LIPM: variants seen among roughly 807,000 people sequenced by gnomAD.
LIPM encodes the protein lipase family member M.
LIPM carries 42 observed loss-of-function variants against 42.4 expected under a neutral mutation model. That is an observed-to-expected ratio of 0.99 (90% confidence interval 0.77 to 1.28). LIPM has a LOEUF of 1.28. Ranked by LOEUF, LIPM falls within the 50% of genes most tolerant of loss-of-function variation. LIPM has a pLI of 0.00. For synonymous variants in LIPM, 177 were observed against 173.3 expected (o/e 1.02, Z -0.17); for missense variants, 524 against 520.1 (o/e 1.01, Z -0.07).
chr10:88,814,059 C>A (rs924119220), intron 3 of LIPM, among the ~76,000 whole-genome samples: 3 of 152,154 alleles, frequency 2.0e-5, no homozygotes, highest in Non-Finnish European at 4.4e-5. Context: ...CACCTAGGGA[C>A]CATCGATTTG....
At chr10:88,816,698 G>A in intron 6 of LIPM, 118 bp from the exon 7 acceptor site, 1 of 655,166 alleles carries the variant, frequency 1.5e-6, no homozygotes, top group Non-Finnish European at 2.8e-6. Context: ...ATAGATAATT[G>A]CTGATAACTT....
chr10:88,805,142 C>G (rs1212895873), intron 1 of LIPM, among the ~76,000 whole-genome samples: 2 of 152,118 alleles, frequency 1.3e-5, no homozygotes, highest in African/African-American at 4.8e-5. Flanking sequence ...GTGTTATGTA[C>G]TAAGGTTAGA....
chr10:88,814,607 A>G lies in LIPM; in HGVS notation c.542A>G (p.Tyr181Cys), dbSNP rs371475612. The G allele has an allele frequency of 4.8e-5, 74 of 1,551,858 alleles. No individual in the cohort carries two copies. The African/African-American group carries it at 9.3e-4, about 20-fold the overall frequency. The change falls in exon 4 of 9, where the codon TAT (tyrosine) becomes TGT (cysteine). Residue 181 changes from tyrosine (Y) to cysteine (C), a missense_variant. Tyr to Cys is a radical substitution (Grantham distance 194). Transcript: ENST00000404743. ...ILQKTGQEKI[Y>C]YVGYSQGTTM... ...CAGAAAACGGGCCAGGAAAAGATCTATTATGTCGGCTATTCACAGGGCACC... is the reference window on the plus strand; with the variant it reads ...CAGAAAACGGGCCAGGAAAAGATCTGTTATGTCGGCTATTCACAGGGCACC...
intron 3 of LIPM, 111 bp from the exon 4 acceptor site, chr10:88,814,419 A>G (rs1589316115): frequency 1.5e-6 from 1 of 679,520 alleles, no homozygotes; most frequent in East Asian, 2.7e-5. Flanking sequence ...CACGGTAACA[A>G]GCTGTCAGAG....
chr10:88,808,236 T>C (rs973439471), intron 1 of LIPM, 62 bp from the exon 2 acceptor site: 2 of 901,578 alleles, frequency 2.2e-6, no homozygotes, highest in African/African-American at 3.3e-5. Flanking sequence ...CTCTTACTTT[T>C]GGATCATTGA....
chr10:88,807,634 A>G (rs1047316258), intron 1 of LIPM, among the ~76,000 whole-genome samples: 1 of 152,220 alleles, frequency 6.6e-6, no homozygotes, highest in African/African-American at 2.4e-5. Flanking sequence ...ATGTTTTTGT[A>G]TCCATTGTAT....
At position 88,817,882 on chromosome 10, in the gene LIPM, GA is replaced by G; in HGVS notation, c.993del (p.Lys331AsnfsTer8). The G allele has an allele frequency of 6.4e-7, 1 of 1,551,146 alleles. No homozygotes were observed. The highest frequency in any genetic ancestry group is 8.7e-7 in the Non-Finnish European group (1 of 1,146,610). ...CTGGGGGAGTGAGACCAAAAATCTG[GA>G]AAAATGCAATCAGGTAAGAAAATCA... is the stretch of plus-strand genomic sequence containing the variant. Reference protein sequence around the residue: ...FDWGSETKNLEKCNQPTPVRY... With the variant: ...FDWGSETKNLXKCNQPTPVRY... On this transcript the variant is annotated frameshift_variant, in exon 8 of 9. Coordinates refer to ENST00000404743, the MANE Select transcript of LIPM (RefSeq NM_001128215.1). LOFTEE classifies it low-confidence loss of function (END_TRUNC).
chr10:88,805,512 A>C (rs1843575214), intron 1 of LIPM, among the ~76,000 whole-genome samples: 1 of 152,242 alleles, frequency 6.6e-6, no homozygotes. Context: ...TAAAAAATAC[A>C]AAAGAAGGCA....
chr10:88,815,778 A>T (rs902433983), intron 6 of LIPM, among the ~76,000 whole-genome samples: 4 of 152,208 alleles, frequency 2.6e-5, no homozygotes, highest in Non-Finnish European at 5.9e-5. Flanking sequence ...AAAAAGAGCA[A>T]TTAGCACATG....
At chr10:88,820,182 C>A in intron 8 of LIPM, 50 bp from the exon 9 acceptor site, 3 of 1,424,958 alleles carry the variant, frequency 2.1e-6, no homozygotes, top group South Asian at 1.4e-5. Context: ...AAATTATGAG[C>A]CTGAAAGTCC....
chr10:88,806,137 C>CCTG, intron 1 of LIPM: 1 of 357,138 alleles, frequency 2.8e-6, no homozygotes, highest in Admixed American at 3.7e-5. Flanking sequence ...GGGACCAGTC[C>CCTG]TTTATTGCCT....
At chr10:88,804,259 T>C (rs1419509997) in intron 1 of LIPM, among the ~76,000 whole-genome samples, 1 of 152,014 alleles carries the variant, frequency 6.6e-6, no homozygotes, top group East Asian at 1.9e-4. Context: ...GGTTTGGAGG[T>C]GAGGGGAATC....
intron 1 of LIPM, 149 bp downstream of exon 1, chr10:88,803,192 C>T (rs1843548631): frequency 2.2e-6 from 2 of 895,490 alleles, no homozygotes; most frequent in Non-Finnish European, 3.3e-6. Context: ...GGAAAGAATG[C>T]TAAACTGGAT....
intron 3 of LIPM, among the ~76,000 whole-genome samples, 180 bp downstream of exon 3, chr10:88,813,475 T>C (rs958302414): frequency 6.6e-6 from 1 of 152,146 alleles, no homozygotes; most frequent in Non-Finnish European, 1.5e-5. Flanking sequence ...TGAGGAATGC[T>C]GAGTTCCCCA....
chr10:88,811,287 T>C (rs905032105), intron 2 of LIPM, among the ~76,000 whole-genome samples: 7 of 152,196 alleles, frequency 4.6e-5, no homozygotes, highest in African/African-American at 1.4e-4. Context: ...GCAATTGTCC[T>C]CATTTTGCTA....
chr10:88,810,510 CAA>C lies in LIPM; in HGVS notation c.265+2110_265+2111del, dbSNP rs5786838. Among the ~76,000 whole-genome samples the C allele has an allele frequency of 6.8e-3, 933 of 137,020 alleles. 14 individuals carry two copies. Among genetic ancestry groups the C allele is most frequent in the African/African-American group, 0.023 (858 of 37,478 alleles). The allele number at this position is 137,020 out of a possible 152,430, so 89.9% of individuals were successfully genotyped here. The stretch of plus-strand genomic sequence containing the variant: ...CCTCTTCAGAGGCAATCTCCCATAT[CAA>C]AAAAAAAAAAAAAATTCACCAACCA... On this transcript the variant is annotated intron_variant, in intron 2 of 8. Coordinates refer to ENST00000404743, the MANE Select transcript of LIPM (RefSeq NM_001128215.1).
chr10:88,818,295 T>C (rs1191284441), intron 8 of LIPM, among the ~76,000 whole-genome samples: 1 of 152,208 alleles, frequency 6.6e-6, no homozygotes, highest in Non-Finnish European at 1.5e-5. Flanking sequence ...CAAGTGAGGA[T>C]TGCTGTGTAA....
intron 6 of LIPM, among the ~76,000 whole-genome samples, chr10:88,816,167 C>A (rs1384678648): frequency 6.6e-6 from 1 of 152,086 alleles, no homozygotes; most frequent in African/African-American, 2.4e-5. Context: ...CCATATCAGT[C>A]AGTCATTTAA....
At position 88,814,617 on chromosome 10, in the gene LIPM, C is replaced by T. The variant is rs1441178577; in HGVS notation, c.552C>T (p.Gly184=). ...GCCAGGAAAAGATCTATTATGTCGG[C>T]TATTCACAGGGCACCACCATGGGTA... The part of the protein sequence containing the change: ...KTGQEKIYYV[G]YSQGTTMGFI... Residue 184 remains glycine (G), a synonymous_variant, in exon 4 of 9, where the codon GGC becomes GGT. Coordinates refer to ENST00000404743, the MANE Select transcript of LIPM (RefSeq NM_001128215.1). 2 of 1,551,832 alleles carry T rather than the reference C, an allele frequency of 1.3e-6. No homozygotes were observed. Among genetic ancestry groups the T allele is most frequent in the East Asian group, 2.4e-5 (1 of 40,914 alleles).
Sources: gnomAD v4.1 joint callset for allele counts (sites outside exome capture counted in the v4.1 genomes callset) on GRCh38, gnomAD v4.1.1 for gene constraint, MANE v1.5 for transcripts, NCBI Gene and HGNC (gene_info 2026-07-23, HGNC 2026-07-21) for gene names.